The following ATP8A2 variants were observed in gnomAD, a reference collection of about 807,000 sequenced individuals.
ATP8A2 encodes phospholipid-transporting ATPase IB.
In ATP8A2, 100 loss-of-function variants were observed where a neutral mutation model predicts 165.6. The ratio of observed to expected loss-of-function variants is 0.60; its 90% confidence interval spans 0.51 to 0.71. The LOEUF is 0.71. ATP8A2 is among the 30% of genes least tolerant of loss of function. The pLI, the probability that ATP8A2 is intolerant of heterozygous loss-of-function variation, is 0.00. For missense variants in ATP8A2, 1,227 were observed against 1,479.5 expected, an observed-to-expected ratio of 0.83 and a Z score of 2.80; for synonymous variants, 543 against 548.8, an observed-to-expected ratio of 0.99 and a Z score of 0.15.
intron 1 of ATP8A2, among the ~76,000 whole-genome samples, chr13:25,434,016 A>G (rs1006939366): frequency 5.3e-5 from 8 of 152,178 alleles, no homozygotes; most frequent in Non-Finnish European, 1.0e-4. Flanking sequence ...GTCAAGTACA[A>G]TGTTTACTAT....
intron 24 of ATP8A2, among the ~76,000 whole-genome samples, chr13:25,599,580 G>T (rs1052581809): frequency 6.6e-6 from 1 of 152,194 alleles, no homozygotes; most frequent in African/African-American, 2.4e-5. Context: ...TTAATTTCCA[G>T]TTTAAAGACC....
chr13:25,761,665 T>TAC (rs200442327), intron 25 of ATP8A2, among the ~76,000 whole-genome samples: 134 of 150,550 alleles, frequency 8.9e-4, no homozygotes, highest in Middle Eastern at 7.1e-3. Flanking sequence ...TATATATATA[T>TAC]ACACACACAT....
chr13:25,966,090 G>A lies in ATP8A2; in HGVS notation c.3273-2485G>A, dbSNP rs115353559. On this transcript the variant is annotated intron_variant, in intron 34 of 36. Transcript: ENST00000381655. ...CTTAAACAGTCTATTTCTTTTAAAA[G>A]TCTCTGAGAACCTGGAGACACCCTT... is the stretch of plus-strand genomic sequence containing the variant. Among the ~76,000 whole-genome samples the A allele has an allele frequency of 1.3e-3, 186 of 146,234 alleles. 1 individual carries two copies. Among genetic ancestry groups the A allele is most frequent in the African/African-American group, 4.4e-3 (177 of 39,870 alleles).
At chr13:25,461,999 G>C (rs1480617056) in intron 1 of ATP8A2, among the ~76,000 whole-genome samples, 1 of 152,180 alleles carries the variant, frequency 6.6e-6, no homozygotes, top group Non-Finnish European at 1.5e-5. Context: ...CTATTTTGCA[G>C]ATAAGGAAAC....
chr13:25,646,674 C>T (rs1470646812), intron 24 of ATP8A2, among the ~76,000 whole-genome samples: 4 of 102,874 alleles, frequency 3.9e-5, no homozygotes, highest in Non-Finnish European at 8.3e-5. Flanking sequence ...AAAAAAAACA[C>T]ACAAAAGAAT....
intron 2 of ATP8A2, among the ~76,000 whole-genome samples, chr13:25,524,865 T>C (rs1165298280): frequency 6.6e-6 from 1 of 151,680 alleles, no homozygotes; most frequent in Non-Finnish European, 1.5e-5. Flanking sequence ...ATTTTTCTGC[T>C]TGTTTTCTCA....
chr13:25,929,287 A>T (rs1229974551), intron 33 of ATP8A2, among the ~76,000 whole-genome samples: 1 of 152,084 alleles, frequency 6.6e-6, no homozygotes, highest in Non-Finnish European at 1.5e-5. Context: ...CCCTTCCCTG[A>T]AGGCAGATGG....
intron 24 of ATP8A2, among the ~76,000 whole-genome samples, chr13:25,643,991 T>TATTTA (rs140458815): frequency 0.011 from 1 of 90 alleles, no homozygotes; most frequent in Admixed American, 0.17. Context: ...AATTTATTCC[T>TATTTA]ATTTTATTTG....
chr13:25,622,156 A>G (rs900587585), intron 24 of ATP8A2, among the ~76,000 whole-genome samples: 8 of 150,810 alleles, frequency 5.3e-5, no homozygotes, highest in Non-Finnish European at 8.8e-5. Flanking sequence ...CAGTGAGCCG[A>G]GATGGCACCA....
At position 25,882,894 on chromosome 13, in the gene ATP8A2, A is replaced by AGATGATGAT. The variant is rs3837558; in HGVS notation, c.3183+20524_3183+20532dup. Among the ~76,000 whole-genome samples the AGATGATGAT allele has an allele frequency of 4.8e-3, 701 of 147,336 alleles. 1 individual carries two copies. The highest frequency in any genetic ancestry group is 9.7e-3 in the East Asian group (48 of 4,956). On this transcript the variant is annotated intron_variant, in intron 33 of 36. Coordinates refer to ENST00000381655, the MANE Select transcript of ATP8A2 (RefSeq NM_016529.6). ...GTTGTCCTTAAAGCCCCTGTGCCTG[A>AGATGATGAT]GATGATGATGATGATGATGATGATG...
At position 25,484,422 on chromosome 13, in the gene ATP8A2, T is replaced by A. The variant is rs535687003; in HGVS notation, c.221+15301T>A. ...TCTGTGGGGCTCTGCTTTGAATATC[T>A]CTGAGGAACTTGGCACTGTGCATAA... On this transcript the variant is annotated intron_variant, in intron 2 of 36. Coordinates refer to ENST00000381655, the MANE Select transcript of ATP8A2 (RefSeq NM_016529.6). Among the ~76,000 whole-genome samples the A allele has an allele frequency of 2.8e-4, 42 of 152,322 alleles. No homozygotes were observed. The East Asian group carries it at 8.1e-3, about 29-fold the overall frequency.
At chr13:25,420,520 A>C (rs2034269002) in intron 1 of ATP8A2, among the ~76,000 whole-genome samples, 1 of 152,242 alleles carries the variant, frequency 6.6e-6, no homozygotes, top group South Asian at 2.1e-4. Flanking sequence ...GGTGACTACA[A>C]AATAAAATTT....
At position 25,825,145 on chromosome 13, in the gene ATP8A2, C is replaced by CTTTTT. The variant is rs60778003; in HGVS notation, c.2680-2948_2680-2944dup. ...CATAGTTTCATTGTGTATGTGTTTG[C>CTTTTT]TTTTTTTTTTTTTTTTTTTTTTTTT... On this transcript the variant is annotated intron_variant, in intron 27 of 36. Coordinates refer to ENST00000381655, the MANE Select transcript of ATP8A2 (RefSeq NM_016529.6). Among the ~76,000 whole-genome samples the CTTTTT allele has an allele frequency of 4.4e-4, 12 of 27,510 alleles. 2 individuals carry two copies. Among genetic ancestry groups the CTTTTT allele is most frequent in the Admixed American group, 1.4e-3 (2 of 1,404 alleles). The allele number at this position is 27,510 out of a possible 152,430, so 18.0% of individuals were successfully genotyped here.
chr13:25,667,999 A>G (rs1191134064), intron 24 of ATP8A2, among the ~76,000 whole-genome samples: 1 of 152,058 alleles, frequency 6.6e-6, no homozygotes, highest in Non-Finnish European at 1.5e-5. Context: ...ATCTTTGTAT[A>G]TTGTATTAAT....
intron 1 of ATP8A2, among the ~76,000 whole-genome samples, chr13:25,410,660 C>T (rs528706960): frequency 3.3e-5 from 5 of 152,280 alleles, no homozygotes; most frequent in Admixed American, 2.0e-4. Flanking sequence ...GCTGGAAGAA[C>T]GTGCACAGAA....
intron 1 of ATP8A2, among the ~76,000 whole-genome samples, chr13:25,448,671 A>G (rs934570036): frequency 6.6e-6 from 1 of 152,086 alleles, no homozygotes; most frequent in Non-Finnish European, 1.5e-5. Context: ...TTTTTTTGAG[A>G]CAGAGTCTCA....
At chr13:25,788,612 C>T (rs991520579) in intron 27 of ATP8A2, among the ~76,000 whole-genome samples, 3 of 152,184 alleles carry the variant, frequency 2.0e-5, no homozygotes, top group African/African-American at 7.2e-5. Context: ...TGGAAACCTT[C>T]TGGGGAAGGG....
At chr13:25,876,093 A>G (rs1044589111) in intron 33 of ATP8A2, among the ~76,000 whole-genome samples, 30 of 152,216 alleles carry the variant, frequency 2.0e-4, no homozygotes, top group Non-Finnish European at 3.8e-4. Flanking sequence ...AATGTGACGC[A>G]TAGATAGCAG....
intron 1 of ATP8A2, among the ~76,000 whole-genome samples, chr13:25,429,019 GAT>G (rs1236436481): frequency 6.6e-6 from 1 of 151,656 alleles, no homozygotes; most frequent in African/African-American, 2.4e-5. Context: ...ATTCCTAAGA[GAT>G]AGTGAGTGCT....
Sources: allele counts gnomAD v4.1 joint callset (sites outside exome capture counted in the v4.1 genomes callset), GRCh38; gene constraint gnomAD v4.1.1; transcripts MANE v1.5; gene names NCBI Gene and HGNC (gene_info 2026-07-23, HGNC 2026-07-21).